FCRL5: variants seen among roughly 807,000 people sequenced by gnomAD.
The protein encoded by FCRL5 is Fc receptor-like protein 5.
A neutral mutation model predicts 92.1 loss-of-function variants in FCRL5; 79 were observed. The observed-to-expected ratio is 0.86, with a 90% CI of 0.72 to 1.03. FCRL5 has a LOEUF of 1.03. Ranked by LOEUF, FCRL5 falls within the 50% of genes least tolerant of loss-of-function variation. The pLI, the probability that FCRL5 is intolerant of heterozygous loss-of-function variation, is 0.00. For synonymous variants in FCRL5, 466 were observed against 469.3 expected (o/e 0.99, Z 0.09); for missense variants, 1,160 against 1,181.1 (o/e 0.98, Z 0.26).
In FCRL5 at chr1:157,524,374, A is replaced by C; in HGVS notation, c.2144T>G (p.Leu715Arg). The C allele has an allele frequency of 6.2e-7, 1 of 1,614,138 alleles. No homozygotes were observed. The highest frequency in any genetic ancestry group is 1.1e-5 in the South Asian group (1 of 91,078). Residue 715 changes from leucine to arginine, a missense_variant, in exon 10 of 17, where the codon CTC becomes CGC. Leu to Arg is a moderately radical substitution (Grantham distance 102). Transcript: ENST00000361835. ...APSGGGASFN[L>R]SLTTEHSGIY... The stretch of plus-strand genomic sequence containing the variant: ...TCCAGAATGTTCTGTAGTCAGAGAG[A>C]GGTTGAAGGAGGCCCCTCCTCCAGA...
In FCRL5 at chr1:157,544,487, C is replaced by T; in HGVS notation, c.619G>A (p.Val207Met). ...SSFQPISGNP[V>M]TLTCETQLSL... is the part of the protein sequence containing the mutation. ...AGCTGGGTCTCACAGGTCAGGGTCA[C>T]TGGGTTCCCGCTGATGGGCTGGAAG... is the stretch of plus-strand genomic sequence containing the variant. The change falls in exon 5 of 17, where the codon GTG (valine) becomes ATG (methionine). Residue 207 changes from valine (V) to methionine (M), a missense_variant. By Grantham distance (21) the Val-to-Met change is conservative. Transcript: ENST00000361835. The T allele has an allele frequency of 6.2e-7, 1 of 1,614,216 alleles. No individual in the cohort carries two copies. Among genetic ancestry groups the T allele is most frequent in the Non-Finnish European group, 8.5e-7 (1 of 1,180,044 alleles).
At chr1:157,520,034 G>C (rs1650104762) in intron 12 of FCRL5, among the ~76,000 whole-genome samples, 1 of 152,178 alleles carries the variant, frequency 6.6e-6, no homozygotes, top group Non-Finnish European at 1.5e-5. Context: ...CAGGAAAACA[G>C]ACTTGATCAA....
chr1:157,540,009 T>A (rs1212517794), intron 6 of FCRL5, among the ~76,000 whole-genome samples: 3 of 152,254 alleles, frequency 2.0e-5, no homozygotes, highest in African/African-American at 7.2e-5. Flanking sequence ...GGGGCACATG[T>A]CTTTAGCCAT....
At chr1:157,518,872 G>A (rs1650056689) in intron 13 of FCRL5, 90 bp from the exon 14 acceptor site, 2 of 1,017,646 alleles carry the variant, frequency 2.0e-6, no homozygotes, top group Non-Finnish European at 1.4e-6. Flanking sequence ...TTACTGCAGG[G>A]TGGCTGCCAG....
chr1:157,514,574 T>C lies in FCRL5; in HGVS notation c.*1101A>G, dbSNP rs1384919764. On this transcript the variant is annotated 3_prime_UTR_variant, in exon 17 of 17. Coordinates refer to ENST00000361835, the MANE Select transcript of FCRL5 (RefSeq NM_031281.3). ...CTCCATGGGCCTCTGCTGAGACCTA[T>C]AGGGCTTCACATGCATGCAGTGCAG... 1.3e-5 allele frequency: 2 copies of C among 152,300 alleles called. No individual in the cohort carries two copies. Among genetic ancestry groups the C allele is most frequent in the African/African-American group, 2.4e-5 (1 of 41,448 alleles). 9.4% of individuals were successfully genotyped at this position (152,300 alleles called of 1,614,324 possible).
intron 3 of FCRL5, chr1:157,546,373 G>A (rs1260532848): frequency 1.1e-5 from 4 of 359,380 alleles, no homozygotes; most frequent in Non-Finnish European, 2.2e-5. Flanking sequence ...GCTTGAACCC[G>A]GGAGACAGAA....
rs11800422 is a variant in FCRL5 at position 157,515,985 on chromosome 1, C to T, written c.2813-112G>A. ...CCTGGAGGCCCGCTCTCCCTCTGTG[C>T]GGTGAGTAGCCATTCCTCTTAGTTG... On this transcript the variant is annotated intron_variant, in intron 15 of 16. Transcript: ENST00000361835. 4.4e-5 allele frequency: 50 copies of T among 1,147,524 alleles called. No individual in the cohort carries two copies. In the African/African-American group the frequency reaches 5.0e-4, roughly 12 times the overall value. 71.1% of individuals were successfully genotyped at this position (1,147,524 alleles called of 1,614,324 possible).
intron 9 of FCRL5, among the ~76,000 whole-genome samples, chr1:157,525,323 G>C (rs1650379529): frequency 6.6e-6 from 1 of 152,214 alleles, no homozygotes; most frequent in Non-Finnish European, 1.5e-5. Flanking sequence ...GAGTGCACCA[G>C]GCAGGCAAAC....
intron 6 of FCRL5, among the ~76,000 whole-genome samples, chr1:157,539,611 A>G (rs1374325201): frequency 2.0e-5 from 3 of 152,220 alleles, no homozygotes; most frequent in South Asian, 2.1e-4. Context: ...CAAGATCTTT[A>G]CCCTAAAATG....
rs372126695 is a variant in FCRL5, at chr1:157,516,875, T to C, written c.2813-1002A>G. 4.7e-4 allele frequency among the ~76,000 whole-genome samples: 71 copies of C among 152,322 alleles called. 2 individuals carry two copies. In the South Asian group the frequency reaches 0.015, roughly 31 times the overall value. ...CAAGTCATTTAAGGTGTCTATGCCT[T>C]GGTTTCCTCATCTGTAAAATGGGAG... On this transcript the variant is annotated intron_variant, in intron 15 of 16. Transcript: ENST00000361835.
chr1:157,547,381 G>T (rs780730613), intron 2 of FCRL5, 184 bp from the exon 3 acceptor site: 84 of 811,516 alleles, frequency 1.0e-4, no homozygotes, highest in Non-Finnish European at 1.5e-5. Context: ...GGGAGAAATT[G>T]CCCAGGGGAT....
Position 157,544,848 on chromosome 1 carries a change from A to G in FCRL5, c.542T>C (p.Val181Ala), listed in dbSNP as rs778776602. ...GGCTTTACCTTGGACTTGGATTTTG[A>G]CTGTATTGGAAGAAACAGGGCAACA... The part of the protein sequence containing the change: ...ESCCPVSSNT[V>A]KIQVQEPFTR... The change falls in exon 4 of 17, where the codon GTC becomes GCC. Residue 181 changes from valine to alanine, a missense_variant. By Grantham distance (64) the Val-to-Ala change is moderately conservative. Coordinates refer to ENST00000361835, the MANE Select transcript of FCRL5 (RefSeq NM_031281.3). 3 of 1,614,098 alleles carry G rather than the reference A, an allele frequency of 1.9e-6. No homozygotes were observed.
intron 15 of FCRL5, among the ~76,000 whole-genome samples, chr1:157,517,648 A>G (rs552578049): frequency 5.4e-4 from 82 of 152,312 alleles, no homozygotes; most frequent in Middle Eastern, 3.4e-3. Flanking sequence ...TGCCAACACC[A>G]TGATTTTAGC....
At chr1:157,545,619 C>T (rs1264860112) in intron 3 of FCRL5, among the ~76,000 whole-genome samples, 2 of 144,380 alleles carry the variant, frequency 1.4e-5, no homozygotes, top group African/African-American at 5.2e-5. Context: ...AGCTCCATCT[C>T]CCGGGTTCAT....
intron 8 of FCRL5, among the ~76,000 whole-genome samples, chr1:157,531,528 T>C (rs1180245430): frequency 2.0e-5 from 3 of 152,242 alleles, no homozygotes; most frequent in Admixed American, 2.0e-4. Flanking sequence ...CTCAAGTTTA[T>C]TGCAGCCCTG....
At position 157,518,467 on chromosome 1, in the gene FCRL5, G is replaced by A. The variant is rs1369071295; in HGVS notation, c.2774C>T (p.Ser925Leu). ...TTTCTCTTGGATGATCCGTACTTCTGAGTAAACCACATTTTCTCCTCTAGG... is the reference window on the plus strand; with the variant it reads ...TTTCTCTTGGATGATCCGTACTTCTAAGTAAACCACATTTTCTCCTCTAGG... The part of the protein sequence containing the change: ...ANPRGENVVY[S>L]EVRIIQEKKK... The change falls in exon 15 of 17, where the codon TCA (serine) becomes TTA (leucine). Residue 925 changes from serine to leucine, a missense_variant. Ser to Leu is a moderately radical substitution (Grantham distance 145, BLOSUM62 -2). Coordinates refer to ENST00000361835, the MANE Select transcript of FCRL5 (RefSeq NM_031281.3). 1 of 1,614,166 alleles carries A rather than the reference G, an allele frequency of 6.2e-7. No homozygotes were observed.
intron 3 of FCRL5, among the ~76,000 whole-genome samples, chr1:157,546,545 C>T (rs1022661129): frequency 2.6e-5 from 4 of 151,690 alleles, no homozygotes; most frequent in African/African-American, 9.7e-5. Context: ...TAAATTAATC[C>T]TCAGACTTTC....
At position 157,542,532 on chromosome 1, in the gene FCRL5, A is replaced by T; in HGVS notation, c.1123+327T>A. 2 of 305,212 alleles carry T rather than the reference A, an allele frequency of 6.6e-6. 1 individual carries two copies. Among genetic ancestry groups the T allele is most frequent in the Non-Finnish European group, 1.2e-5 (2 of 162,786 alleles). 18.9% of individuals were successfully genotyped at this position (305,212 alleles called of 1,614,324 possible). ...GGAAATTGAGTCTGTGTCTACTGAGAATAATATAGTGAATGAAAATCAGTC... is the reference window on the plus strand; with the variant it reads ...GGAAATTGAGTCTGTGTCTACTGAGTATAATATAGTGAATGAAAATCAGTC... On this transcript the variant is annotated intron_variant, in intron 6 of 16. Transcript: ENST00000361835.
At position 157,548,086 on chromosome 1, in the gene FCRL5, C is replaced by G. The variant is rs549323805; in HGVS notation, c.53-889G>C. Among the ~76,000 whole-genome samples the G allele has an allele frequency of 5.9e-5, 9 of 152,356 alleles. No individual in the cohort carries two copies. In the East Asian group the frequency reaches 1.7e-3, roughly 29 times the overall value. On this transcript the variant is annotated intron_variant, in intron 2 of 16. Transcript: ENST00000361835. The stretch of plus-strand genomic sequence containing the variant: ...GAGGATCCTATCCTGAGTCAATATA[C>G]TTGCCATGGAGTTGAAGATGTCCTG...
Sources: gnomAD v4.1 joint callset for allele counts (sites outside exome capture counted in the v4.1 genomes callset) on GRCh38, gnomAD v4.1.1 for gene constraint, MANE v1.5 for transcripts, NCBI Gene and HGNC (gene_info 2026-07-23, HGNC 2026-07-21) for gene names.